The following MEGF9 variants were observed in gnomAD, a reference collection of about 807,000 sequenced individuals.
The protein encoded by MEGF9 is multiple epidermal growth factor-like domains protein 9.
MEGF9 carries 6 observed loss-of-function variants against 46.8 expected under a neutral mutation model. That is an observed-to-expected ratio of 0.13 (90% CI 0.07 to 0.25). MEGF9 has a LOEUF of 0.25. MEGF9 is among the 10% of genes least tolerant of loss of function. The probability of loss-of-function intolerance (pLI) is 1.00; values close to 1 mark genes in which losing one functional copy is unlikely to be tolerated. For synonymous variants in MEGF9, 302 were observed against 330.7 expected, an observed-to-expected ratio of 0.91 and a Z score of 0.94; for missense variants, 683 against 792.4, an observed-to-expected ratio of 0.86 and a Z score of 1.66.
chr9:120,667,881 C>CA (rs1316109087), intron 1 of MEGF9, among the ~76,000 whole-genome samples: 15 of 152,120 alleles, frequency 9.9e-5, no homozygotes, highest in Non-Finnish European at 2.1e-4. Flanking sequence ...AAAAATTAGT[C>CA]AGGCATGGTG....
Position 120,607,817 on chromosome 9 carries a change from A to G in MEGF9, c.1281T>C (p.His427=). The change falls in exon 5 of 6, where the codon CAT becomes CAC. Residue 427 remains histidine (H), a synonymous_variant. Coordinates refer to ENST00000373930, the MANE Select transcript of MEGF9 (RefSeq NM_001080497.3). ...TCTCACACCAAAACCCAGTGGTGTT[A>G]TGGAGGCAGTTGATGCACTCACCAC... ...PESGECINCL[H]NTTGFWCENC... is the part of the protein sequence containing the mutation. The G allele has an allele frequency of 6.2e-7, 1 of 1,613,986 alleles. No individual in the cohort carries two copies. Among genetic ancestry groups the G allele is most frequent in the East Asian group, 2.2e-5 (1 of 44,890 alleles).
At chr9:120,636,666 T>A (rs546309590) in intron 2 of MEGF9, among the ~76,000 whole-genome samples, 254 of 152,320 alleles carry the variant, frequency 1.7e-3, no homozygotes, top group Non-Finnish European at 2.6e-3. Flanking sequence ...CTGTTTTTTT[T>A]AAAACAGAAA....
chr9:120,622,434 T>TTTTTTTTTTTTTA (rs1554794918), intron 3 of MEGF9, among the ~76,000 whole-genome samples, 182 bp downstream of exon 3: 11 of 148,092 alleles, frequency 7.4e-5, no homozygotes, highest in African/African-American at 2.5e-4. Context: ...TTTTTTTTTT[T>TTTTTTTTTTTTTA]AATTTACGTA....
chr9:120,628,302 T>C (rs910966587), intron 2 of MEGF9, among the ~76,000 whole-genome samples: 1 of 152,134 alleles, frequency 6.6e-6, no homozygotes, highest in Non-Finnish European at 1.5e-5. Flanking sequence ...TCCACAGTTA[T>C]GGAAAAGATC....
chr9:120,677,733 T>C (rs1448657880), intron 1 of MEGF9, among the ~76,000 whole-genome samples: 1 of 152,250 alleles, frequency 6.6e-6, no homozygotes, highest in African/African-American at 2.4e-5. Context: ...TGGACTATAC[T>C]AAGCTATCAA....
chr9:120,620,885 T>G (rs2043496700), intron 3 of MEGF9, among the ~76,000 whole-genome samples: 1 of 152,156 alleles, frequency 6.6e-6, no homozygotes, highest in Non-Finnish European at 1.5e-5. Flanking sequence ...TAAATCAATT[T>G]GTTTTACTAT....
chr9:120,621,657 A>G (rs1393817889), intron 3 of MEGF9, among the ~76,000 whole-genome samples: 2 of 151,964 alleles, frequency 1.3e-5, no homozygotes, highest in Non-Finnish European at 2.9e-5. Context: ...GTCTGCTTCC[A>G]TTGCTCATTT....
chr9:120,634,403 T>C (rs1371327333), intron 2 of MEGF9, among the ~76,000 whole-genome samples: 1 of 151,224 alleles, frequency 6.6e-6, no homozygotes, highest in Non-Finnish European at 1.5e-5. Context: ...GACTTAGGCA[T>C]AGCTATTTCT....
Position 120,602,540 on chromosome 9 carries a change from C to T in MEGF9, c.*2650G>A, listed in dbSNP as rs1433750500. 1 of 152,110 alleles carries T rather than the reference C, an allele frequency of 6.6e-6. No homozygotes were observed. The highest frequency in any genetic ancestry group is 1.5e-5 in the Non-Finnish European group (1 of 67,982). 9.4% of individuals were successfully genotyped at this position (152,110 alleles called of 1,614,324 possible). A position where few individuals can be genotyped will look rare whatever the true frequency, so the allele number is the denominator to read the frequency against. ...AAACAAATTTTAAGACTTTTTTTCCCATTGAGAAAAATTATAACCATGATC... is the reference window on the plus strand; with the variant it reads ...AAACAAATTTTAAGACTTTTTTTCCTATTGAGAAAAATTATAACCATGATC... On this transcript the variant is annotated 3_prime_UTR_variant, in exon 6 of 6. Coordinates refer to ENST00000373930, the MANE Select transcript of MEGF9 (RefSeq NM_001080497.3).
chr9:120,681,621 G>C (rs1388535812), intron 1 of MEGF9, among the ~76,000 whole-genome samples: 2 of 151,052 alleles, frequency 1.3e-5, no homozygotes, highest in African/African-American at 4.9e-5. Flanking sequence ...ATCAAATTTA[G>C]TATGTGTAAT....
chr9:120,709,646 A>G (rs2043943900), intron 1 of MEGF9, among the ~76,000 whole-genome samples: 1 of 152,202 alleles, frequency 6.6e-6, no homozygotes, highest in Non-Finnish European at 1.5e-5. Flanking sequence ...TAACTAAAGT[A>G]AGAAATTTCA....
intron 2 of MEGF9, among the ~76,000 whole-genome samples, chr9:120,646,885 T>G (rs1409019323): frequency 6.6e-6 from 1 of 152,160 alleles, no homozygotes; most frequent in Non-Finnish European, 1.5e-5. Flanking sequence ...TAATTATTTA[T>G]ACTATTAGCA....
chr9:120,633,589 T>G (rs946653242), intron 2 of MEGF9, among the ~76,000 whole-genome samples: 8 of 152,240 alleles, frequency 5.3e-5, no homozygotes, highest in Non-Finnish European at 1.0e-4. Flanking sequence ...AGTCTCAATT[T>G]TAAAATTTTT....
At chr9:120,710,567 T>C (rs2043948701) in intron 1 of MEGF9, among the ~76,000 whole-genome samples, 1 of 151,842 alleles carries the variant, frequency 6.6e-6, no homozygotes, top group Non-Finnish European at 1.5e-5. Flanking sequence ...AAAAGGGCCC[T>C]AACTGAGGGG....
chr9:120,608,596 T>C (rs1423753255), intron 4 of MEGF9, among the ~76,000 whole-genome samples: 4 of 152,240 alleles, frequency 2.6e-5, no homozygotes, highest in Non-Finnish European at 4.4e-5. Flanking sequence ...AATATGTGTA[T>C]GTGTATCTCT....
Position 120,673,803 on chromosome 9 carries a change from T to TA in MEGF9, c.602-14229dup, listed in dbSNP as rs535222004. Among the ~76,000 whole-genome samples, 325 of 150,984 alleles carry TA rather than the reference T, an allele frequency of 2.2e-3. 1 individual carries two copies. The highest frequency in any genetic ancestry group is 7.4e-3 in the African/African-American group (303 of 41,204). On this transcript the variant is annotated intron_variant, in intron 1 of 5. Coordinates refer to ENST00000373930, the MANE Select transcript of MEGF9 (RefSeq NM_001080497.3). The stretch of plus-strand genomic sequence containing the variant: ...CAAGATGGTGAAGTCTCGTCTCTAC[T>TA]AAAAAAAATACAAAAAATTAGCTGG...
At chr9:120,697,921 A>G (rs550896862) in intron 1 of MEGF9, among the ~76,000 whole-genome samples, 2 of 152,248 alleles carry the variant, frequency 1.3e-5, no homozygotes, top group Admixed American at 6.5e-5. Context: ...TAAATGCTTT[A>G]TTTCATTTTC....
chr9:120,622,543 C>T (rs2043504793), intron 3 of MEGF9, 73 bp downstream of exon 3: 8 of 1,525,514 alleles, frequency 5.2e-6, no homozygotes, highest in Middle Eastern at 1.7e-4. Context: ...GAAGAATCAA[C>T]CTATAGCTGA....
chr9:120,660,201 T>C (rs887156054), intron 1 of MEGF9, among the ~76,000 whole-genome samples: 1 of 152,146 alleles, frequency 6.6e-6, no homozygotes, highest in African/African-American at 2.4e-5. Context: ...CAGTTCTTTG[T>C]TGTTTGTTTG....
Sources: allele counts gnomAD v4.1 joint callset (sites outside exome capture counted in the v4.1 genomes callset), GRCh38; gene constraint gnomAD v4.1.1; transcripts MANE v1.5; gene names NCBI Gene and HGNC (gene_info 2026-07-23, HGNC 2026-07-21).